Variants in AOPEP observed in about 807,000 individuals in gnomAD.
AOPEP encodes aminopeptidase O (putative).
In AOPEP, 77 loss-of-function variants were observed where a neutral mutation model predicts 98.1. The ratio of observed to expected loss-of-function variants is 0.78; its 90% CI spans 0.65 to 0.95. AOPEP has a LOEUF of 0.95. Among genes scored for constraint, AOPEP ranks in the 40% least tolerant of loss-of-function variants. The probability of loss-of-function intolerance (pLI) is 0.00; values close to 1 mark genes in which losing one functional copy is unlikely to be tolerated. For missense variants in AOPEP, 1,024 were observed against 1,024.7 expected (o/e 1.00, Z 0.01); for synonymous variants, 346 against 365.3 (o/e 0.95, Z 0.60).
At chr9:95,029,331 C>G (rs983408578) in intron 13 of AOPEP, among the ~76,000 whole-genome samples, 3 of 151,944 alleles carry the variant, frequency 2.0e-5, no homozygotes, top group Non-Finnish European at 4.4e-5. Flanking sequence ...TTCTACCAGT[C>G]TGAATTTTCC....
intron 5 of AOPEP, among the ~76,000 whole-genome samples, chr9:94,871,159 C>A (rs766276192): frequency 5.9e-5 from 9 of 152,238 alleles, no homozygotes; most frequent in Non-Finnish European, 1.3e-4. Flanking sequence ...GTGTCAGCAG[C>A]CTTTCTACTC....
At chr9:94,907,630 C>G (rs1033170761) in intron 5 of AOPEP, among the ~76,000 whole-genome samples, 6 of 152,120 alleles carry the variant, frequency 3.9e-5, no homozygotes, top group African/African-American at 1.4e-4. Context: ...TCCCCAGAGC[C>G]TCTTCCAAAG....
At chr9:95,142,824 C>T in the AOPEP span, among the ~76,000 whole-genome samples, 2 of 152,170 alleles carry the variant, frequency 1.3e-5, no homozygotes, top group African/African-American at 4.8e-5. Flanking sequence ...TACTTAGAAG[C>T]TGTTTTTACT....
intron 1 of AOPEP, among the ~76,000 whole-genome samples, chr9:94,732,210 A>G (rs776116406): frequency 1.3e-5 from 2 of 150,550 alleles, no homozygotes; most frequent in East Asian, 3.9e-4. Context: ...GCCTTTTAAT[A>G]TTCTCCCCAT....
At chr9:94,761,036 T>C (rs1838161644) in intron 2 of AOPEP, among the ~76,000 whole-genome samples, 1 of 152,336 alleles carries the variant, frequency 6.6e-6, no homozygotes, top group African/African-American at 2.4e-5. Context: ...CCAGCTCTGC[T>C]TTGTGCCTTC....
chr9:94,776,047 A>G (rs1261665899), intron 3 of AOPEP, among the ~76,000 whole-genome samples: 1 of 152,018 alleles, frequency 6.6e-6, no homozygotes, highest in Non-Finnish European at 1.5e-5. Flanking sequence ...TACGTGGTTC[A>G]TTTATAGAAG....
Position 94,849,577 on chromosome 9 carries a change from A to G in AOPEP, c.1364+48575A>G, listed in dbSNP as rs74886182. ...GTCCCCAACCTTTTTGGCATCAGGG[A>G]CCTGTTTTGTGGAAGACAGTTTTTC... On this transcript the variant is annotated intron_variant, in intron 5 of 16. Transcript: ENST00000375315. 6.7e-3 allele frequency among the ~76,000 whole-genome samples: 980 copies of G among 145,438 alleles called. 8 individuals are homozygous for G. Among genetic ancestry groups the G allele is most frequent in the African/African-American group, 0.024 (943 of 38,732 alleles).
intron 5 of AOPEP, among the ~76,000 whole-genome samples, chr9:94,855,278 A>C (rs1423397092): frequency 6.6e-6 from 1 of 152,006 alleles, no homozygotes; most frequent in Non-Finnish European, 1.5e-5. Flanking sequence ...GGGTTTCGCC[A>C]CATTGGCCAG....
chr9:94,859,425 ATGTGTGAT>A (rs1414609563), intron 5 of AOPEP, among the ~76,000 whole-genome samples: 1 of 152,186 alleles, frequency 6.6e-6, no homozygotes, highest in Admixed American at 6.5e-5. Context: ...TTACAAGGAC[ATGTGTGAT>A]TGCATTTAGG....
chr9:95,064,592 T>C (rs1020137002), intron 14 of AOPEP, among the ~76,000 whole-genome samples: 2 of 152,240 alleles, frequency 1.3e-5, no homozygotes, highest in Admixed American at 1.3e-4. Flanking sequence ...CCTGGCCTCG[T>C]CTACCTCTTT....
intron 5 of AOPEP, among the ~76,000 whole-genome samples, chr9:94,923,434 C>T (rs1473885031): frequency 6.6e-6 from 1 of 152,176 alleles, no homozygotes; most frequent in African/African-American, 2.4e-5. Context: ...TTATTCGGGC[C>T]TCCTGGAAAC....
At chr9:95,098,006 G>C in the AOPEP span, among the ~76,000 whole-genome samples, 1 of 152,108 alleles carries the variant, frequency 6.6e-6, no homozygotes. Flanking sequence ...AGGTGGTCCT[G>C]GGCTGGAAAC....
the AOPEP span, chr9:95,135,478 T>G: frequency 6.2e-7 from 1 of 1,614,040 alleles, no homozygotes; most frequent in Non-Finnish European, 8.5e-7. Context: ...AGACTACAGC[T>G]GACATGGGGA....
chr9:95,111,137 C>G, the AOPEP span: 1 of 1,534,174 alleles, frequency 6.5e-7, no homozygotes, highest in South Asian at 1.2e-5. Flanking sequence ...CCCGCCTCTG[C>G]AGGGCACGCC....
chr9:94,909,236 A>G (rs143833626), intron 5 of AOPEP, among the ~76,000 whole-genome samples: 2,289 of 151,932 alleles, frequency 0.015, 29 homozygotes, highest in Middle Eastern at 0.078. Flanking sequence ...AGAAGCAAAC[A>G]TGCTGTAGTT....
the AOPEP span, among the ~76,000 whole-genome samples, chr9:95,135,789 C>T: frequency 5.3e-5 from 8 of 152,118 alleles, no homozygotes; most frequent in Non-Finnish European, 1.0e-4. Context: ...AAAGAGGGAG[C>T]GATAAAAAAC....
intron 5 of AOPEP, among the ~76,000 whole-genome samples, chr9:94,888,864 C>T (rs1391825755): frequency 6.6e-6 from 1 of 152,190 alleles, no homozygotes; most frequent in Non-Finnish European, 1.5e-5. Flanking sequence ...TTTCTCTCTG[C>T]ATGTGTACGT....
At chr9:94,970,559 C>G (rs115200520) in intron 10 of AOPEP, among the ~76,000 whole-genome samples, 1 of 151,512 alleles carries the variant, frequency 6.6e-6, no homozygotes, top group South Asian at 2.1e-4. Flanking sequence ...AGGGAGATTG[C>G]GTGGGGCCTT....
chr9:94,949,026 C>T (rs2057904897), intron 7 of AOPEP, among the ~76,000 whole-genome samples: 2 of 152,228 alleles, frequency 1.3e-5, no homozygotes, highest in South Asian at 4.1e-4. Context: ...CCACCCTTAG[C>T]AGAAACTGCC....
Sources: gnomAD v4.1 joint callset for allele counts (sites outside exome capture counted in the v4.1 genomes callset) on GRCh38, gnomAD v4.1.1 for gene constraint, MANE v1.5 for transcripts, NCBI Gene and HGNC (gene_info 2026-07-23, HGNC 2026-07-21) for gene names.